Variants in RGS8 observed in about 807,000 individuals in gnomAD.
The protein encoded by RGS8 is regulator of G protein signaling 8, also known as regulator of G-protein signaling 8.
In RGS8, 8 loss-of-function variants were observed where a neutral mutation model predicts 21.7. The ratio of observed to expected loss-of-function variants is 0.37; its 90% CI spans 0.22 to 0.66. The LOEUF is 0.66. Among genes scored for constraint, RGS8 ranks in the 30% least tolerant of loss-of-function variants. The probability of loss-of-function intolerance (pLI) is 0.59; values close to 1 mark genes in which losing one functional copy is unlikely to be tolerated. For synonymous variants in RGS8, 80 were observed against 83.6 expected, an observed-to-expected ratio of 0.96 and a Z score of 0.24; for missense variants, 157 against 217.9, an observed-to-expected ratio of 0.72 and a Z score of 1.76.
intron 2 of RGS8, 82 bp from the exon 4 acceptor site, chr1:182,669,834 C>A (rs989197208): frequency 1.7e-5 from 24 of 1,405,038 alleles, no homozygotes; most frequent in Non-Finnish European, 2.3e-5. Context: ...GGGTTTCCGC[C>A]AGCGGAACAC....
chr1:182,680,338 C>T (rs533796848), intron 1 of RGS8, among the ~76,000 whole-genome samples: 8 of 152,306 alleles, frequency 5.3e-5, no homozygotes, highest in African/African-American at 1.7e-4. Flanking sequence ...CTACACTTTC[C>T]ATAATCATGA....
chr1:182,673,564 A>G (rs907017947), upstream of RGS8, among the ~76,000 whole-genome samples: 7 of 152,240 alleles, frequency 4.6e-5, no homozygotes, highest in Non-Finnish European at 5.9e-5. Context: ...AAGATGAAAT[A>G]AAAATTCTGA....
In RGS8 at chr1:182,662,955, A is replaced by AG. The variant is rs924027901; in HGVS notation, c.193+3013dup. Among the ~76,000 whole-genome samples the AG allele has an allele frequency of 4.4e-4, 57 of 129,102 alleles. 2 individuals are homozygous for AG. Among genetic ancestry groups the AG allele is most frequent in the Admixed American group, 3.1e-3 (44 of 14,040 alleles). The allele number at this position is 129,102 out of a possible 152,430, so 84.7% of individuals were successfully genotyped here. On this transcript the variant is annotated intron_variant, in intron 5 of 6. Coordinates refer to ENST00000483095, the Ensembl canonical transcript of RGS8. The stretch of plus-strand genomic sequence containing the variant: ...GATGTCCTGTAGATTGAGAATGGGG[A>AG]GGGGGGGAAATAATCATCTGTGTTT...
At chr1:182,668,389 C>G (rs936055830) in intron 3 of RGS8, among the ~76,000 whole-genome samples, 4 of 152,234 alleles carry the variant, frequency 2.6e-5, no homozygotes, top group Non-Finnish European at 5.9e-5. Flanking sequence ...AGGAGTCCTT[C>G]TGGCTAGCTT....
At chr1:182,739,679 G>A in the RGS8 span, among the ~76,000 whole-genome samples, 3 of 152,094 alleles carry the variant, frequency 2.0e-5, no homozygotes, top group Non-Finnish European at 2.9e-5. Context: ...TGTGTATGTA[G>A]ACAGTGCTGT....
the RGS8 span, among the ~76,000 whole-genome samples, chr1:182,690,106 A>G: frequency 6.6e-6 from 1 of 151,958 alleles, no homozygotes; most frequent in African/African-American, 2.4e-5. Context: ...TAACCTCTCT[A>G]TGCCACAGGG....
intron 5 of RGS8, 94 bp downstream of exon 6, chr1:182,665,875 A>G (rs763069678): frequency 5.2e-5 from 56 of 1,069,650 alleles, no homozygotes; most frequent in Admixed American, 1.3e-4. Flanking sequence ...TGGAACACCT[A>G]GTACATACCT....
the RGS8 span, among the ~76,000 whole-genome samples, chr1:182,692,149 G>A: frequency 1.3e-5 from 2 of 152,000 alleles, no homozygotes; most frequent in Admixed American, 1.3e-4. Context: ...GGGATTACAG[G>A]CACGTGCCAC....
chr1:182,722,363 CAAAAAAAAA>C, the RGS8 span, among the ~76,000 whole-genome samples: 7 of 79,410 alleles, frequency 8.8e-5, no homozygotes, highest in African/African-American at 2.5e-4. Context: ...AGCAAATTAC[CAAAAAAAAA>C]AAAAAAAAAA....
chr1:182,726,197 A>C, the RGS8 span, among the ~76,000 whole-genome samples: 1 of 152,180 alleles, frequency 6.6e-6, no homozygotes, highest in East Asian at 1.9e-4. Context: ...AAAAAAAAAA[A>C]AAACTTCAGG....
downstream of RGS8, chr1:182,641,963 T>C (rs910861968): frequency 1.3e-5 from 2 of 152,114 alleles, no homozygotes; most frequent in African/African-American, 4.8e-5. Flanking sequence ...GCTACAAATC[T>C]GTTGTGTGCT....
At chr1:182,652,477 C>T (rs1023013973) in intron 5 of RGS8, among the ~76,000 whole-genome samples, 1 of 152,142 alleles carries the variant, frequency 6.6e-6, no homozygotes, top group African/African-American at 2.4e-5. Context: ...ATGAGGAAAC[C>T]AATGCTAAGA....
the RGS8 span, among the ~76,000 whole-genome samples, chr1:182,724,246 A>ATATC: frequency 3.7e-4 from 40 of 107,140 alleles, no homozygotes; most frequent in South Asian, 6.1e-4. Flanking sequence ...ATATATATAT[A>ATATC]TCCTATTATT....
At chr1:182,696,862 G>T in the RGS8 span, among the ~76,000 whole-genome samples, 1 of 152,236 alleles carries the variant, frequency 6.6e-6, no homozygotes, top group African/African-American at 2.4e-5. Context: ...CCTGAAGGGA[G>T]TTGGTGGATC....
At chr1:182,722,339 C>T in the RGS8 span, among the ~76,000 whole-genome samples, 291 of 104,184 alleles carry the variant, frequency 2.8e-3, no homozygotes, top group Admixed American at 5.9e-3. Context: ...GCATGAGTTT[C>T]TTGGGGCTGC....
the RGS8 span, among the ~76,000 whole-genome samples, chr1:182,716,991 G>C: frequency 6.6e-5 from 10 of 152,280 alleles, no homozygotes; most frequent in East Asian, 1.9e-3. Flanking sequence ...TGTCTCACAG[G>C]AAATTTGGAG....
chr1:182,650,920 G>A (rs1662981472), intron 5 of RGS8, among the ~76,000 whole-genome samples: 1 of 152,120 alleles, frequency 6.6e-6, no homozygotes, highest in South Asian at 2.1e-4. Context: ...AAACCACAAA[G>A]CATAGAGAAA....
chr1:182,643,103 C>T (rs1557876600), downstream of RGS8: 3 of 152,394 alleles, frequency 2.0e-5, no homozygotes, highest in South Asian at 6.2e-4. Context: ...GATCAAGGGT[C>T]CCTTCAGCTA....
the RGS8 span, among the ~76,000 whole-genome samples, chr1:182,698,718 T>G: frequency 6.6e-6 from 1 of 152,246 alleles, no homozygotes; most frequent in African/African-American, 2.4e-5. Flanking sequence ...AATTTGCTAT[T>G]GAGCATATTC....
Sources: allele counts gnomAD v4.1 joint callset (sites outside exome capture counted in the v4.1 genomes callset), GRCh38; gene constraint gnomAD v4.1.1; transcripts MANE v1.5; gene names NCBI Gene and HGNC (gene_info 2026-07-23, HGNC 2026-07-21).